The following KDM4B variants were observed in gnomAD, a reference collection of about 807,000 sequenced individuals.
KDM4B encodes lysine-specific demethylase 4B.
Under a neutral mutation model 125.2 loss-of-function variants are expected in KDM4B, and 32 were observed. The ratio of observed to expected loss-of-function variants is 0.26; its 90% CI spans 0.19 to 0.34. The LOEUF is 0.34. Ranked by LOEUF, KDM4B falls within the 10% of genes least tolerant of loss-of-function variation. The pLI, the probability that KDM4B is intolerant of heterozygous loss-of-function variation, is 1.00. For synonymous variants in KDM4B, 721 were observed against 677.9 expected (o/e 1.06, Z -0.99); for missense variants, 1,190 against 1,577.7 (o/e 0.75, Z 4.16).
intron 12 of KDM4B, 34 bp from the exon 13 acceptor site, chr19:5,131,853 C>A (rs375149462): frequency 1.2e-6 from 2 of 1,612,202 alleles, no homozygotes; most frequent in Admixed American, 3.3e-5. Flanking sequence ...GGGTCTGTAG[C>A]GGGGCCCTCA....
intron 2 of KDM4B, among the ~76,000 whole-genome samples, chr19:5,031,954 T>C (rs1411209658): frequency 6.6e-6 from 1 of 152,144 alleles, no homozygotes; most frequent in African/African-American, 2.4e-5. Context: ...TTTCTAAGTT[T>C]TTGGGTTTGT....
chr19:4,997,906 C>A lies in KDM4B; in HGVS notation c.-108-18351C>A, dbSNP rs1264645958. Among the ~76,000 whole-genome samples, 2 of 152,270 alleles carry A rather than the reference C, an allele frequency of 1.3e-5. No individual in the cohort carries two copies. The highest frequency in any genetic ancestry group is 4.8e-5 in the African/African-American group (2 of 41,476). ...ACTCTGCACTGCTGTCCCTCTCCAC[C>A]CAGGCCTTGGGGCTCCCAGACAACC... On this transcript the variant is annotated intron_variant, in intron 1 of 22. Coordinates refer to ENST00000159111, the MANE Select transcript of KDM4B (RefSeq NM_015015.3). This position sits in a 1 kb window ranked among gnomAD's most constrained non-coding sequence, Gnocchi z 4.2.
intron 2 of KDM4B, among the ~76,000 whole-genome samples, chr19:5,031,559 C>T (rs1415906453): frequency 6.6e-6 from 1 of 152,236 alleles, no homozygotes; most frequent in Non-Finnish European, 1.5e-5. Flanking sequence ...GGGGGTCTCT[C>T]AGCAGCAGCC....
intron 9 of KDM4B, among the ~76,000 whole-genome samples, chr19:5,083,649 C>T (rs1052381389): frequency 6.8e-6 from 1 of 147,954 alleles, no homozygotes; most frequent in Non-Finnish European, 1.5e-5. Context: ...CATTGAACAG[C>T]CCAGCTCCTC....
intron 1 of KDM4B, among the ~76,000 whole-genome samples, chr19:4,979,972 G>A (rs2034578642): frequency 1.3e-5 from 2 of 152,050 alleles, no homozygotes; most frequent in South Asian, 4.1e-4. Context: ...AGGCATAGTG[G>A]TGCACGCCTG....
At chr19:4,973,415 C>T (rs891790843) in intron 1 of KDM4B, among the ~76,000 whole-genome samples, 2 of 152,164 alleles carry the variant, frequency 1.3e-5, no homozygotes, top group Non-Finnish European at 2.9e-5. Flanking sequence ...TCTCAAACTC[C>T]TGACCTCAAG....
chr19:5,004,449 T>A (rs1223450938), intron 1 of KDM4B, among the ~76,000 whole-genome samples: 1 of 152,094 alleles, frequency 6.6e-6, no homozygotes, highest in African/African-American at 2.4e-5. Flanking sequence ...CATACACCTC[T>A]ACCCACGATC....
At chr19:5,036,631 G>C (rs1008859881) in intron 3 of KDM4B, among the ~76,000 whole-genome samples, 9 of 152,256 alleles carry the variant, frequency 5.9e-5, no homozygotes, top group African/African-American at 2.2e-4. Context: ...CATGTGGCCG[G>C]TCGCCTTCCT....
At chr19:5,101,394 C>G (rs59312889) in intron 9 of KDM4B, among the ~76,000 whole-genome samples, 8,783 of 149,922 alleles carry the variant, frequency 0.059, 265 homozygotes, top group African/African-American at 0.068. Flanking sequence ...TGCAGTGGCT[C>G]ATGCCTGTAG....
intron 2 of KDM4B, among the ~76,000 whole-genome samples, chr19:5,031,035 C>A (rs2036436514): frequency 6.6e-6 from 1 of 152,242 alleles, no homozygotes; most frequent in Non-Finnish European, 1.5e-5. Context: ...CAGGCCGGCA[C>A]TGAGGGTCCC....
intron 2 of KDM4B, among the ~76,000 whole-genome samples, chr19:5,022,857 A>G (rs2036166844): frequency 6.7e-6 from 1 of 149,790 alleles, no homozygotes; most frequent in South Asian, 2.1e-4. Flanking sequence ...GGGGGTTGGT[A>G]CTTTTTTTTT....
At position 5,131,495 on chromosome 19, in the gene KDM4B, A is replaced by G; in HGVS notation, c.1735A>G (p.Ser579Gly). The G allele has an allele frequency of 6.9e-7, 1 of 1,457,196 alleles. No homozygotes were observed. The highest frequency in any genetic ancestry group is 9.1e-7 in the Non-Finnish European group (1 of 1,099,740). 90.3% of individuals were successfully genotyped at this position (1,457,196 alleles called of 1,614,324 possible). The change falls in exon 12 of 23, where the codon AGC (serine) becomes GGC (glycine). Residue 579 changes from serine to glycine, a missense_variant. This residue lies in a region of KDM4B where 428 missense variants were observed against 405.1 expected (regional missense o/e 1.06). Transcript: ENST00000159111. ...ELTGPEDGAA[S>G]SGAGRMETKA... ...GACGGGGCCAGAGGACGGTGCAGCC[A>G]GCAGTGGGGCAGGTCGCATGGAGAC...
chr19:5,033,210 G>A (rs181659217), intron 3 of KDM4B, among the ~76,000 whole-genome samples, 179 bp downstream of exon 3: 3 of 152,324 alleles, frequency 2.0e-5, no homozygotes, highest in Non-Finnish European at 4.4e-5. Context: ...AATGTGCCAG[G>A]CACCATTCTA....
At position 5,110,603 on chromosome 19, in the gene KDM4B, A is replaced by G. The variant is rs2145984382; in HGVS notation, c.919-19A>G. 1.2e-6 allele frequency: 2 copies of G among 1,612,452 alleles called. No individual in the cohort carries two copies. Among genetic ancestry groups the G allele is most frequent in the Non-Finnish European group, 8.5e-7 (1 of 1,179,688 alleles). ...GTCCAGGTGTGGCGCGAGGGCTCAG[A>G]CCGTGTCCCCTGCCGCAGTGCACGT... On this transcript the variant is annotated intron_variant, in intron 9 of 22. Coordinates refer to ENST00000159111, the MANE Select transcript of KDM4B (RefSeq NM_015015.3).
At chr19:5,073,920 C>G (rs1281100018) in intron 7 of KDM4B, among the ~76,000 whole-genome samples, 3 of 152,168 alleles carry the variant, frequency 2.0e-5, no homozygotes, top group East Asian at 3.9e-4. Context: ...AGTTCAAGAC[C>G]AGCCTCAGGA....
In KDM4B at chr19:5,115,178, G is replaced by T. The variant is rs1476959879; in HGVS notation, c.1115+4360G>T. ...CACCATGGGGCCACAGAAAGACACA[G>T]TGGGCAGACATGGGCAGCTCCTGGA... is the stretch of plus-strand genomic sequence containing the variant. On this transcript the variant is annotated intron_variant, in intron 10 of 22. Transcript: ENST00000159111. The surrounding 1 kb of genome is among the most constrained non-coding windows in gnomAD (Gnocchi z 4.2). Among the ~76,000 whole-genome samples, 1 of 152,222 alleles carries T rather than the reference G, an allele frequency of 6.6e-6. No homozygotes were observed. The highest frequency in any genetic ancestry group is 2.4e-5 in the African/African-American group (1 of 41,446).
At chr19:4,970,357 C>G (rs578186270) in intron 1 of KDM4B, among the ~76,000 whole-genome samples, 2 of 152,336 alleles carry the variant, frequency 1.3e-5, no homozygotes, top group South Asian at 2.1e-4. Context: ...TGGTTCAGCT[C>G]CGTGGAGCCT....
At chr19:5,053,480 C>T (rs1195104813) in intron 6 of KDM4B, among the ~76,000 whole-genome samples, 2 of 152,196 alleles carry the variant, frequency 1.3e-5, no homozygotes, top group African/African-American at 4.8e-5. Flanking sequence ...CAGAGGGACC[C>T]TGGTCATTAG....
Position 5,035,880 on chromosome 19 carries a change from T to TGTGTGC in KDM4B, c.141+2850_141+2851insTGTGCG, listed in dbSNP as rs58219404. Among the ~76,000 whole-genome samples the TGTGTGC allele has an allele frequency of 3.5e-4, 48 of 136,502 alleles. No homozygotes were observed. Among genetic ancestry groups the TGTGTGC allele is most frequent in the African/African-American group, 1.0e-3 (38 of 37,902 alleles). 89.6% of individuals were successfully genotyped at this position (136,502 alleles called of 152,430 possible). On this transcript the variant is annotated intron_variant, in intron 3 of 22. Transcript: ENST00000159111. This position sits in a 1 kb window ranked among gnomAD's most constrained non-coding sequence, Gnocchi z 5.3. The stretch of plus-strand genomic sequence containing the variant: ...ACGTGTCTCTGTGTGTGTGTGTGTG[T>TGTGTGC]GCGCGCGCGCGCGCGCCTGCGCGCA...
Sources: gnomAD v4.1 joint callset for allele counts (sites outside exome capture counted in the v4.1 genomes callset) on GRCh38, gnomAD v4.1.1 for gene constraint, gnomAD v4.1.1 regional missense constraint, Gnocchi (gnomAD v3.1) non-coding constraint, MANE v1.5 for transcripts, NCBI Gene and HGNC (gene_info 2026-07-23, HGNC 2026-07-21) for gene names.